The following NAPB variants were observed in gnomAD, a reference collection of about 807,000 sequenced individuals.
NAPB encodes the protein NSF attachment protein beta.
In NAPB, 26 loss-of-function variants were observed where a neutral mutation model predicts 44.7. The observed-to-expected ratio is 0.58, with a 90% CI of 0.43 to 0.81. The LOEUF is 0.81. Among genes scored for constraint, NAPB ranks in the 30% least tolerant of loss-of-function variants. The pLI is 0.00. For missense variants in NAPB, 315 were observed against 356.4 expected, an observed-to-expected ratio of 0.88 and a Z score of 0.94; for synonymous variants, 120 against 116.8, an observed-to-expected ratio of 1.03 and a Z score of -0.18.
At chr20:23,394,530 G>C (rs905629197) in intron 5 of NAPB, among the ~76,000 whole-genome samples, 2 of 152,210 alleles carry the variant, frequency 1.3e-5, no homozygotes, top group Non-Finnish European at 2.9e-5. Flanking sequence ...GCTGCAGTCA[G>C]ATTTCTGAGT....
intron 1 of NAPB, among the ~76,000 whole-genome samples, chr20:23,404,280 C>T (rs895283757): frequency 6.6e-6 from 1 of 152,126 alleles, no homozygotes; most frequent in Non-Finnish European, 1.5e-5. Context: ...ACAAGGAACT[C>T]GGTGGGGTAT....
chr20:23,406,491 C>CA (rs11388914), intron 1 of NAPB, among the ~76,000 whole-genome samples: 3,118 of 151,892 alleles, frequency 0.021, 113 homozygotes, highest in African/African-American at 0.071. Flanking sequence ...CAAAAAAAAT[C>CA]AAAAAAACAA....
intron 7 of NAPB, among the ~76,000 whole-genome samples, chr20:23,382,325 G>A (rs1983077252): frequency 1.0e-5 from 1 of 99,506 alleles, no homozygotes; most frequent in Non-Finnish European, 1.8e-5. Flanking sequence ...TGTCAAAGAA[G>A]GCCAACTGAA....
intron 10 of NAPB, chr20:23,378,826 C>CTTTTTTTTTTTTTTTTTTTTT (rs202043703): frequency 1.0e-5 from 1 of 95,694 alleles, no homozygotes; most frequent in African/African-American, 3.6e-5. Context: ...TTTTTTTTTT[C>CTTTTTTTTTTTTTTTTTTTTT]TTTTTTTTTT....
intron 8 of NAPB, 86 bp from the exon 9 acceptor site, chr20:23,380,021 C>T (rs1332710960): frequency 1.3e-5 from 13 of 1,029,354 alleles, no homozygotes; most frequent in Non-Finnish European, 1.8e-5. Flanking sequence ...TAAGATCTAC[C>T]TATATCCTAT....
At chr20:23,382,718 G>A (rs957376868) in intron 7 of NAPB, among the ~76,000 whole-genome samples, 2 of 151,564 alleles carry the variant, frequency 1.3e-5, no homozygotes, top group African/African-American at 4.8e-5. Flanking sequence ...AAGGGACAGA[G>A]GAAAGAAGCA....
chr20:23,411,944 C>A (rs1568621628), intron 1 of NAPB, among the ~76,000 whole-genome samples: 1 of 151,972 alleles, frequency 6.6e-6, no homozygotes, highest in Non-Finnish European at 1.5e-5. Context: ...AAAACAAAAC[C>A]CAACTTTGTG....
intron 1 of NAPB, among the ~76,000 whole-genome samples, chr20:23,419,496 G>A (rs1026955640): frequency 6.6e-6 from 1 of 152,206 alleles, no homozygotes; most frequent in Non-Finnish European, 1.5e-5. Flanking sequence ...ACCAAGTGCT[G>A]TCAAGCTTTT....
chr20:23,394,140 G>C (rs916507296), intron 5 of NAPB, among the ~76,000 whole-genome samples: 1 of 152,192 alleles, frequency 6.6e-6, no homozygotes, highest in Non-Finnish European at 1.5e-5. Flanking sequence ...GTCAGCAGTA[G>C]AGAAACAGAG....
Position 23,374,550 on chromosome 20 carries a change from C to T in NAPB, c.*2826G>A, listed in dbSNP as rs1241238533. 2 of 152,148 alleles carry T rather than the reference C, an allele frequency of 1.3e-5. No individual in the cohort carries two copies. The highest frequency in any genetic ancestry group is 4.8e-5 in the African/African-American group (2 of 41,442). 9.4% of individuals were successfully genotyped at this position (152,148 alleles called of 1,614,324 possible). A position where few individuals can be genotyped will look rare whatever the true frequency, so the allele number is the denominator to read the frequency against. ...TTCTGCTAAGGTAGATTTATTGTTACACATGGTTAGTTTTCATAACGTAAT... is the reference window on the plus strand; with the variant it reads ...TTCTGCTAAGGTAGATTTATTGTTATACATGGTTAGTTTTCATAACGTAAT... On this transcript the variant is annotated 3_prime_UTR_variant, in exon 11 of 11. Coordinates refer to ENST00000377026, the MANE Select transcript of NAPB (RefSeq NM_022080.3).
At chr20:23,414,373 A>G (rs1336467570) in intron 1 of NAPB, among the ~76,000 whole-genome samples, 2 of 152,342 alleles carry the variant, frequency 1.3e-5, no homozygotes, top group Non-Finnish European at 1.5e-5. Context: ...ATTTAAAAAT[A>G]TATTATAATC....
intron 7 of NAPB, among the ~76,000 whole-genome samples, chr20:23,385,735 AAGAGAAAGAGAGAGAGAGAAAG>A (rs1568605486): frequency 1.6e-5 from 2 of 127,396 alleles, no homozygotes; most frequent in South Asian, 2.5e-4. Flanking sequence ...GAAGAGAAAG[AAGAGAAAGAGAGAGAGAGAAAG>A]AGAGAAAGAG....
chr20:23,386,584 A>G (rs1983541210), intron 7 of NAPB, among the ~76,000 whole-genome samples: 2 of 152,202 alleles, frequency 1.3e-5, no homozygotes, highest in African/African-American at 4.8e-5. Context: ...AAGTAAAGTC[A>G]GCCACAAGGG....
chr20:23,384,457 G>A (rs1419009), intron 7 of NAPB, among the ~76,000 whole-genome samples: 37,709 of 151,514 alleles, frequency 0.25, 5,379 homozygotes, highest in Middle Eastern at 0.36. Context: ...AAACCCCATC[G>A]CTACAAAAAA....
At chr20:23,395,074 A>C in intron 4 of NAPB, 65 bp downstream of exon 4, 1 of 1,612,518 alleles carries the variant, frequency 6.2e-7, no homozygotes, top group South Asian at 1.1e-5. Context: ...ATAAAAAAGA[A>C]AGATAGAACT....
Position 23,421,276 on chromosome 20 carries a change from C to A in NAPB, c.98+29G>T, listed in dbSNP as rs768759573. On this transcript the variant is annotated intron_variant, in intron 1 of 10. Transcript: ENST00000377026. The stretch of plus-strand genomic sequence containing the variant: ...GGGGCCAAGTACGGAGACCCCCCCC[C>A]CCCAGGGCACGCACGGTCTGGCGCT... 31 of 1,452,838 alleles carry A rather than the reference C, an allele frequency of 2.1e-5. No homozygotes were observed. In the Admixed American group the frequency reaches 3.9e-4, roughly 18 times the overall value. 90.0% of individuals were successfully genotyped at this position (1,452,838 alleles called of 1,614,324 possible).
chr20:23,379,826 A>G, intron 9 of NAPB, 41 bp downstream of exon 9: 1 of 1,498,818 alleles, frequency 6.7e-7, no homozygotes, highest in Non-Finnish European at 9.3e-7. Context: ...GTCACCTAAC[A>G]GAACAAAAGC....
At chr20:23,416,304 GTCT>G in intron 1 of NAPB, among the ~76,000 whole-genome samples, 1 of 152,158 alleles carries the variant, frequency 6.6e-6, no homozygotes, top group Non-Finnish European at 1.5e-5. Flanking sequence ...AAAAAGGCCA[GTCT>G]GGTAACAGTT....
At chr20:23,420,471 T>C (rs952635029) in intron 1 of NAPB, among the ~76,000 whole-genome samples, 4 of 152,220 alleles carry the variant, frequency 2.6e-5, no homozygotes, top group African/African-American at 9.6e-5. Context: ...TCTGGATCCC[T>C]CGCCGGACCG....
Sources: gnomAD v4.1 joint callset for allele counts (sites outside exome capture counted in the v4.1 genomes callset) on GRCh38, gnomAD v4.1.1 for gene constraint, MANE v1.5 for transcripts, NCBI Gene and HGNC (gene_info 2026-07-23, HGNC 2026-07-21) for gene names.